The following DTWD2 variants were observed in gnomAD, a reference collection of about 807,000 sequenced individuals.
The protein encoded by DTWD2 is DTW motif tRNA-uridine aminocarboxypropyltransferase 2.
In DTWD2, 39 loss-of-function variants were observed where a neutral mutation model predicts 31.8. The ratio of observed to expected loss-of-function variants is 1.22; its 90% CI spans 0.95 to 1.60. DTWD2 has a LOEUF of 1.60. Among genes scored for constraint, DTWD2 ranks in the 40% most tolerant of loss-of-function variants. The pLI is 0.00. For synonymous variants in DTWD2, 180 were observed against 142.8 expected (o/e 1.26, Z -1.86); for missense variants, 515 against 381.5 (o/e 1.35, Z -2.92).
chr5:118,941,578 T>C (rs919251473), intron 2 of DTWD2, among the ~76,000 whole-genome samples: 1 of 152,348 alleles, frequency 6.6e-6, no homozygotes, highest in East Asian at 1.9e-4. Flanking sequence ...CAGTCTATCA[T>C]TGTTGGACAT....
At chr5:118,919,697 A>G (rs1303961694) in intron 4 of DTWD2, among the ~76,000 whole-genome samples, 4 of 152,248 alleles carry the variant, frequency 2.6e-5, no homozygotes, top group Admixed American at 6.5e-5. Flanking sequence ...TCAGCCATGC[A>G]TATGATAGCT....
chr5:118,861,507 C>G (rs2149544798), intron 4 of DTWD2, among the ~76,000 whole-genome samples: 1 of 152,294 alleles, frequency 6.6e-6, no homozygotes, highest in Admixed American at 6.5e-5. Flanking sequence ...AATAGCTGCC[C>G]TATAAGATCC....
intron 4 of DTWD2, among the ~76,000 whole-genome samples, chr5:118,900,816 T>A (rs1753189209): frequency 6.6e-6 from 1 of 151,686 alleles, no homozygotes; most frequent in African/African-American, 2.4e-5. Context: ...TCCCAGCTAC[T>A]CGGGAGGCTG....
At chr5:118,983,116 G>T (rs2149604838) in intron 1 of DTWD2, among the ~76,000 whole-genome samples, 1 of 152,236 alleles carries the variant, frequency 6.6e-6, no homozygotes, top group Admixed American at 6.5e-5. Flanking sequence ...CAGTTGCTCA[G>T]TCAGACAACC....
At chr5:118,967,051 G>C (rs1754868414) in intron 1 of DTWD2, among the ~76,000 whole-genome samples, 1 of 148,580 alleles carries the variant, frequency 6.7e-6, no homozygotes, top group South Asian at 2.1e-4. Flanking sequence ...AAGACAATCA[G>C]TAACTCAAAA....
At chr5:118,929,048 A>C (rs1313396816) in intron 3 of DTWD2, among the ~76,000 whole-genome samples, 1 of 152,182 alleles carries the variant, frequency 6.6e-6, no homozygotes, top group Non-Finnish European at 1.5e-5. Flanking sequence ...CTAATACTTC[A>C]TGTGTAATCT....
At chr5:118,965,843 G>C (rs1399559656) in intron 1 of DTWD2, among the ~76,000 whole-genome samples, 1 of 151,902 alleles carries the variant, frequency 6.6e-6, no homozygotes, top group Non-Finnish European at 1.5e-5. Context: ...AGAAACCTTT[G>C]TTCACTTGTT....
chr5:118,891,651 A>C (rs563588289), intron 4 of DTWD2, among the ~76,000 whole-genome samples: 1 of 152,356 alleles, frequency 6.6e-6, no homozygotes, highest in Non-Finnish European at 1.5e-5. Context: ...TGATATATAT[A>C]AACACAAAGT....
rs574858707 is a variant in DTWD2, at chr5:118,988,251, G to A, written c.218+43C>T. On this transcript the variant is annotated intron_variant, in intron 1 of 5. Transcript: ENST00000510708. ...AGGGGGCGCCGCACCCTCCTCCGAA[G>A]GCCGCTGCCGGCTGCAGTCCCCGCC... 1,116 of 1,530,694 alleles carry A rather than the reference G, an allele frequency of 7.3e-4. 11 individuals carry two copies. In the African/African-American group the frequency reaches 0.014, roughly 19 times the overall value. 94.8% of individuals were successfully genotyped at this position (1,530,694 alleles called of 1,614,324 possible).
At chr5:118,933,612 TAA>T (rs982319500) in intron 3 of DTWD2, among the ~76,000 whole-genome samples, 1 of 152,050 alleles carries the variant, frequency 6.6e-6, no homozygotes, top group South Asian at 2.1e-4. Context: ...CCACTCATGA[TAA>T]AAACTCTCCA....
rs1269473076 is a variant in DTWD2, at chr5:118,862,078, C to G, written c.598-13860G>C. On this transcript the variant is annotated intron_variant, in intron 4 of 5. Coordinates refer to ENST00000510708, the MANE Select transcript of DTWD2 (RefSeq NM_173666.4). ...GCCTGAGCTGTGCCTTCTGTCAGATCCACCACAGCACTAGATTCTCGTAGA... is the reference window on the plus strand; with the variant it reads ...GCCTGAGCTGTGCCTTCTGTCAGATGCACCACAGCACTAGATTCTCGTAGA... Among the ~76,000 whole-genome samples, 5 of 152,208 alleles carry G rather than the reference C, an allele frequency of 3.3e-5. No individual in the cohort carries two copies. In the South Asian group the frequency reaches 6.2e-4, roughly 19 times the overall value.
At chr5:118,954,006 C>T (rs1210496056) in intron 1 of DTWD2, among the ~76,000 whole-genome samples, 1 of 152,192 alleles carries the variant, frequency 6.6e-6, no homozygotes, top group African/African-American at 2.4e-5. Flanking sequence ...CATGGTGGCT[C>T]ATGCCTGTAA....
At chr5:118,874,430 T>C (rs184537816) in intron 4 of DTWD2, among the ~76,000 whole-genome samples, 6 of 152,252 alleles carry the variant, frequency 3.9e-5, no homozygotes, top group African/African-American at 9.6e-5. Context: ...CAGAAGTACA[T>C]TAAAACCCAA....
At chr5:118,974,922 G>T (rs1362033232) in intron 1 of DTWD2, among the ~76,000 whole-genome samples, 1 of 152,096 alleles carries the variant, frequency 6.6e-6, no homozygotes, top group Non-Finnish European at 1.5e-5. Context: ...TCCCTTTGTG[G>T]GTAACCCAAC....
In DTWD2 at chr5:118,988,354, T is replaced by C. The variant is rs367835549; in HGVS notation, c.158A>G (p.Asp53Gly). ...LGAEADDDSA[D>G]GLWELPVEPA... ...CTCCACCGGCAGCTCCCACAGCCCG[T>C]CCGCACTGTCGTCGTCCGCCTCTGC... The change falls in exon 1 of 6, where the codon GAC becomes GGC. Residue 53 changes from aspartate to glycine, a missense_variant. By Grantham distance (94) the Asp-to-Gly change is moderately conservative (BLOSUM62 -1). Transcript: ENST00000510708. The C allele has an allele frequency of 3.1e-4, 477 of 1,562,512 alleles. No homozygotes were observed. The highest frequency in any genetic ancestry group is 3.8e-4 in the Non-Finnish European group (442 of 1,156,592).
intron 1 of DTWD2, among the ~76,000 whole-genome samples, chr5:118,965,309 G>A (rs1256242943): frequency 1.3e-5 from 2 of 149,784 alleles, no homozygotes. Flanking sequence ...CGGGAGGTGG[G>A]GGGCGTCTCC....
At position 118,848,141 on chromosome 5, in the gene DTWD2, C is replaced by T; in HGVS notation, c.675G>A (p.Glu225=). Residue 225 remains glutamate, a synonymous_variant, in exon 5 of 6, where the codon GAG becomes GAA. Coordinates refer to ENST00000510708, the MANE Select transcript of DTWD2 (RefSeq NM_173666.4). ...AGATGGAAAGAGCAACAGCTGCACA[C>T]TCCAGTGTAGAAAGGCATCTATTAG... ...QPTNRCLSTL[E]CAAVALSILE... 1.9e-6 allele frequency: 3 copies of T among 1,607,032 alleles called. No individual in the cohort carries two copies. Among genetic ancestry groups the T allele is most frequent in the Non-Finnish European group, 1.7e-6 (2 of 1,176,902 alleles).
At chr5:118,889,113 T>A (rs1752926746) in intron 4 of DTWD2, among the ~76,000 whole-genome samples, 1 of 152,188 alleles carries the variant, frequency 6.6e-6, no homozygotes, top group African/African-American at 2.4e-5. Flanking sequence ...AAAGTCCAAG[T>A]CAATGTGTTC....
chr5:118,911,529 G>A (rs577444886), intron 4 of DTWD2, among the ~76,000 whole-genome samples: 9 of 152,170 alleles, frequency 5.9e-5, no homozygotes, highest in East Asian at 1.9e-4. Flanking sequence ...AATTGAAAAC[G>A]GAATCATGAA....
Sources: gnomAD v4.1 joint callset for allele counts (sites outside exome capture counted in the v4.1 genomes callset) on GRCh38, gnomAD v4.1.1 for gene constraint, MANE v1.5 for transcripts, NCBI Gene and HGNC (gene_info 2026-07-23, HGNC 2026-07-21) for gene names.